Variants in WDR86 observed in about 807,000 individuals in gnomAD.
The protein encoded by WDR86 is WD repeat-containing protein 86.
A neutral mutation model predicts 36.5 loss-of-function variants in WDR86; 30 were observed. The observed-to-expected ratio is 0.82, with a 90% CI of 0.61 to 1.11. WDR86 has a LOEUF of 1.11. WDR86 is among the 50% of genes most tolerant of loss of function. WDR86 has a pLI of 0.00. For synonymous variants in WDR86, 255 were observed against 252.9 expected (o/e 1.01, Z -0.08); for missense variants, 545 against 561.2 (o/e 0.97, Z 0.29).
chr7:151,396,058 C>A lies in WDR86; in HGVS notation c.444G>T (p.Pro148=). 1 of 1,611,960 alleles carries A rather than the reference C, an allele frequency of 6.2e-7. No individual in the cohort carries two copies. The change falls in exon 3 of 6, where the codon CCG becomes CCT. Residue 148 remains proline (P), a synonymous_variant. Transcript: ENST00000334493. ...CGCAGGGAGTGCTGGGGAGGTCCCACGGGGCAGAGTAGGCTAGGGTCAGCA... is the reference window on the plus strand; with the variant it reads ...CGCAGGGAGTGCTGGGGAGGTCCCAAGGGGCAGAGTAGGCTAGGGTCAGCA... The part of the protein sequence containing the change: ...NCVLTLAYSA[P]WDLPSTPCAE...
chr7:151,385,303 G>A (rs1328545780), intron 3 of WDR86, 80 bp from the exon 4 acceptor site: 1 of 1,582,780 alleles, frequency 6.3e-7, no homozygotes, highest in Non-Finnish European at 8.5e-7. Flanking sequence ...AGGGGGGAAG[G>A]GGCATGTGCA....
At chr7:151,380,801 C>T (rs1798512558), downstream of WDR86, among the ~76,000 whole-genome samples, 1 of 151,216 alleles carries the variant, frequency 6.6e-6, no homozygotes, top group African/African-American at 2.4e-5. Context: ...CCTCCTTCCA[C>T]TCCAGGCCCT....
chr7:151,402,070 A>AAAAAAAAATATATATATATATATATAT, intron 1 of WDR86, among the ~76,000 whole-genome samples: 1 of 50,522 alleles, frequency 2.0e-5, no homozygotes. Flanking sequence ...AAAAAAAAAA[A>AAAAAAAAATATATATATATATATATAT]ATATATATAT....
In WDR86 at chr7:151,388,580, T is replaced by C. The variant is rs1799161220; in HGVS notation, c.727-3357A>G. Among the ~76,000 whole-genome samples the C allele has an allele frequency of 6.6e-6, 1 of 152,230 alleles. No homozygotes were observed. On this transcript the variant is annotated intron_variant, in intron 3 of 5. Transcript: ENST00000334493. This position sits in a 1 kb window ranked among gnomAD's most constrained non-coding sequence, Gnocchi z 4.2. The stretch of plus-strand genomic sequence containing the variant: ...AAGGAGGCCTGTGTGCTCCTGGCTC[T>C]GTCCCCACCTGGCTTCTGGGACCCC...
rs1487199462 is a variant in WDR86 at position 151,390,715 on chromosome 7, A to G, written c.726+5061T>C. On this transcript the variant is annotated intron_variant, in intron 3 of 5. Transcript: ENST00000334493. This position sits in a 1 kb window ranked among gnomAD's most constrained non-coding sequence, Gnocchi z 4.5. The stretch of plus-strand genomic sequence containing the variant: ...CAGGGAATATTTATCAGTCACGGAA[A>G]AAGGAGGGAATCTCATCACACACCA... Among the ~76,000 whole-genome samples the G allele has an allele frequency of 1.3e-5, 2 of 152,218 alleles. No homozygotes were observed. The highest frequency in any genetic ancestry group is 4.8e-5 in the African/African-American group (2 of 41,450).
chr7:151,385,036 G>C, intron 4 of WDR86, 52 bp downstream of exon 4: 2 of 1,524,444 alleles, frequency 1.3e-6, no homozygotes, highest in Non-Finnish European at 1.8e-6. Context: ...AAGAAGCAGA[G>C]AGGAGAAGCC....
chr7:151,375,432 G>A (rs1193443088), downstream of WDR86, among the ~76,000 whole-genome samples: 1 of 152,140 alleles, frequency 6.6e-6, no homozygotes, highest in Non-Finnish European at 1.5e-5. Context: ...ATTAAGTATT[G>A]TGTGATGAAG....
chr7:151,382,271 T>C (rs1798653676), intron 4 of WDR86, among the ~76,000 whole-genome samples: 1 of 152,194 alleles, frequency 6.6e-6, no homozygotes, highest in African/African-American at 2.4e-5. Flanking sequence ...CCGTGCCTGC[T>C]TGGGAAGCCC....
In WDR86 at chr7:151,401,802, C is replaced by A. The variant is rs952972898; in HGVS notation, c.164-1561G>T. On this transcript the variant is annotated intron_variant, in intron 1 of 5. Coordinates refer to ENST00000334493, the MANE Select transcript of WDR86 (RefSeq NM_198285.3). The surrounding 1 kb of genome is among the most constrained non-coding windows in gnomAD (Gnocchi z 4.3). ...CGGTGGCTCACGCCTGTAATTCCAG[C>A]ACTTTGGGAGGCCGAGGCGGGTGGA... Among the ~76,000 whole-genome samples, 2 of 151,864 alleles carry A rather than the reference C, an allele frequency of 1.3e-5. No homozygotes were observed. Among genetic ancestry groups the A allele is most frequent in the Non-Finnish European group, 2.9e-5 (2 of 67,980 alleles).
At chr7:151,386,355 C>T (rs1298719860) in intron 3 of WDR86, among the ~76,000 whole-genome samples, 3 of 152,244 alleles carry the variant, frequency 2.0e-5, no homozygotes, top group African/African-American at 7.2e-5. Context: ...TGGCCTTGGG[C>T]CAATCACTGT....
rs1433140258 is a variant in WDR86 at position 151,406,637 on chromosome 7, C to A, written c.163+2790G>T. Among the ~76,000 whole-genome samples the A allele has an allele frequency of 3.9e-5, 6 of 152,242 alleles. 1 individual carries two copies. The highest frequency in any genetic ancestry group is 3.9e-4 in the Admixed American group (6 of 15,290). On this transcript the variant is annotated intron_variant, in intron 1 of 5. Coordinates refer to ENST00000334493, the MANE Select transcript of WDR86 (RefSeq NM_198285.3). This position sits in a 1 kb window ranked among gnomAD's most constrained non-coding sequence, Gnocchi z 4.4. ...GCACCGTACAGTCTTCAGAAACCCT[C>A]TCTGCCATGGACCAGCTGCGGGACC...
intron 2 of WDR86, among the ~76,000 whole-genome samples, 198 bp from the exon 3 acceptor site, chr7:151,396,394 C>G (rs985507128): frequency 2.0e-5 from 3 of 152,242 alleles, no homozygotes; most frequent in Non-Finnish European, 4.4e-5. Flanking sequence ...CTCATGCCCA[C>G]CCTTCCTTGC....
At chr7:151,375,911 C>A (rs1332313888) in exon 2 of WDR86, 1 of 1,613,024 alleles carries the variant, frequency 6.2e-7, no homozygotes, top group Admixed American at 1.7e-5. Flanking sequence ...CGACAACCGT[C>A]AAGAAAGTCC....
chr7:151,409,635 G>A lies in WDR86; in HGVS notation c.-46C>T. The A allele has an allele frequency of 1.5e-6, 2 of 1,326,736 alleles. No individual in the cohort carries two copies. Among genetic ancestry groups the A allele is most frequent in the Admixed American group, 4.0e-5 (1 of 25,164 alleles). 82.2% of individuals were successfully genotyped at this position (1,326,736 alleles called of 1,614,324 possible). A position where few individuals can be genotyped will look rare whatever the true frequency, so the allele number is the denominator to read the frequency against. ...CAAGAAGGAGCTGCGCCCCGCTAGGGAGGGGCGCCCCGGGGTCCGCGCGGC... is the reference window on the plus strand; with the variant it reads ...CAAGAAGGAGCTGCGCCCCGCTAGGAAGGGGCGCCCCGGGGTCCGCGCGGC... On this transcript the variant is annotated 5_prime_UTR_variant, in exon 1 of 6. Coordinates refer to ENST00000334493, the MANE Select transcript of WDR86 (RefSeq NM_198285.3). The surrounding 1 kb of genome is among the most constrained non-coding windows in gnomAD (Gnocchi z 5.2).
chr7:151,387,567 G>A (rs1227133548), intron 3 of WDR86, among the ~76,000 whole-genome samples: 5 of 152,044 alleles, frequency 3.3e-5, no homozygotes, highest in South Asian at 2.1e-4. Context: ...CAGCCACGGC[G>A]GCTCTGAGGA....
intron 1 of WDR86, among the ~76,000 whole-genome samples, chr7:151,404,749 C>T (rs760843962): frequency 9.2e-5 from 14 of 152,364 alleles, no homozygotes; most frequent in East Asian, 5.8e-4. Flanking sequence ...CTGAGGCTGA[C>T]GGTTTTCTGC....
the WDR86 span, chr7:151,369,012 C>CA: frequency 1.0e-6 from 1 of 1,001,456 alleles, no homozygotes. Context: ...GAAACTTGTC[C>CA]TTTTTTTTTT....
intron 1 of WDR86, among the ~76,000 whole-genome samples, chr7:151,403,822 C>G (rs887734633): frequency 6.6e-6 from 1 of 152,170 alleles, no homozygotes; most frequent in East Asian, 1.9e-4. Flanking sequence ...CCTGCTGCCG[C>G]CAGGAGGGCT....
At position 151,400,083 on chromosome 7, in the gene WDR86, C is replaced by A. The variant is rs553418137; in HGVS notation, c.305+17G>T. 9 of 1,546,852 alleles carry A rather than the reference C, an allele frequency of 5.8e-6. No individual in the cohort carries two copies. The highest frequency in any genetic ancestry group is 4.1e-5 in the African/African-American group (3 of 72,666). ...TATGTATGGTGAGACTCAGCCCAAGCCCCCAGCCAGGCTGACCTGTTCACG... is the reference window on the plus strand; with the variant it reads ...TATGTATGGTGAGACTCAGCCCAAGACCCCAGCCAGGCTGACCTGTTCACG... On this transcript the variant is annotated intron_variant, in intron 2 of 5. Transcript: ENST00000334493.
Sources: gnomAD v4.1 joint callset for allele counts (sites outside exome capture counted in the v4.1 genomes callset) on GRCh38, gnomAD v4.1.1 for gene constraint, Gnocchi (gnomAD v3.1) non-coding constraint, MANE v1.5 for transcripts, NCBI Gene and HGNC (gene_info 2026-07-23, HGNC 2026-07-21) for gene names.